The following SLC12A3 variants were observed in gnomAD, a reference collection of about 807,000 sequenced individuals.
SLC12A3 encodes solute carrier family 12 member 3.
SLC12A3 carries 104 observed loss-of-function variants against 121.0 expected under a neutral mutation model. The observed-to-expected ratio is 0.86, with a 90% CI of 0.73 to 1.01. The LOEUF (loss-of-function observed/expected upper bound fraction) is 1.01. Ranked by LOEUF, SLC12A3 falls within the 50% of genes least tolerant of loss-of-function variation. The pLI is 0.00. For missense variants in SLC12A3, 1,328 were observed against 1,356.3 expected (o/e 0.98, Z 0.33); for synonymous variants, 536 against 533.4 (o/e 1.00, Z -0.07).
intron 19 of SLC12A3, among the ~76,000 whole-genome samples, chr16:56,891,860 G>C (rs924190192): frequency 6.6e-6 from 1 of 152,196 alleles, no homozygotes; most frequent in Non-Finnish European, 1.5e-5. Context: ...GGGGATGAAC[G>C]TGGCCTGTTT....
rs1258347970 is a variant in SLC12A3 at position 56,879,710 on chromosome 16, T to C, written c.1443+61T>C. ...TGGGGAGCCTGGGCTAGAGGCACAA[T>C]AGGGCGGGTCCCTGGGTGACTGCTA... is the stretch of plus-strand genomic sequence containing the variant. On this transcript the variant is annotated intron_variant, in intron 11 of 25. Coordinates refer to ENST00000563236, the MANE Select transcript of SLC12A3 (RefSeq NM_001126108.2). 17 of 1,253,120 alleles carry C rather than the reference T, an allele frequency of 1.4e-5. No homozygotes were observed. In the East Asian group the frequency reaches 3.2e-4, roughly 24 times the overall value. The allele number at this position is 1,253,120 out of a possible 1,614,324, so 77.6% of individuals were successfully genotyped here. A position where few individuals can be genotyped will look rare whatever the true frequency, so the allele number is the denominator to read the frequency against.
chr16:56,891,788 G>C (rs572101031), intron 19 of SLC12A3, among the ~76,000 whole-genome samples: 1 of 152,262 alleles, frequency 6.6e-6, no homozygotes, highest in South Asian at 2.1e-4. Context: ...TTTTGCTGAG[G>C]AGGCCAGGGC....
At chr16:56,898,721 C>G (rs1339410517) in intron 22 of SLC12A3, among the ~76,000 whole-genome samples, 1 of 152,210 alleles carries the variant, frequency 6.6e-6, no homozygotes. Context: ...GCTTCTCCTT[C>G]CCTGTTAGAT....
intron 6 of SLC12A3, 146 bp from the exon 7 acceptor site, chr16:56,872,205 G>A: frequency 1.5e-6 from 1 of 681,604 alleles, no homozygotes; most frequent in Admixed American, 2.1e-5. Flanking sequence ...CCAACTCCTT[G>A]AACAGATCCT....
At chr16:56,892,026 C>T (rs2055394707) in intron 19 of SLC12A3, 57 bp from the exon 20 acceptor site, 7 of 1,335,128 alleles carry the variant, frequency 5.2e-6, no homozygotes, top group Non-Finnish European at 7.6e-6. Flanking sequence ...CAAGGAGGAA[C>T]CCACGGTGCC....
chr16:56,876,332 A>G (rs907033828), intron 8 of SLC12A3, among the ~76,000 whole-genome samples: 1 of 152,098 alleles, frequency 6.6e-6, no homozygotes, highest in African/African-American at 2.4e-5. Context: ...GTGGATGTGA[A>G]TTTTGGGGGA....
intron 8 of SLC12A3, among the ~76,000 whole-genome samples, chr16:56,877,116 G>T (rs1188367145): frequency 6.6e-6 from 1 of 152,240 alleles, no homozygotes. Flanking sequence ...GAGCGGCCGG[G>T]CGCGGGGGCT....
In SLC12A3 at chr16:56,890,331, C is replaced by T. The variant is rs778945633; in HGVS notation, c.2343C>T (p.Asn781=). ...TCATGAGGATGCGGGAGGGACTCAA[C>T]GTGTCCAAGATGATGCAGGCGCACA... is the stretch of plus-strand genomic sequence containing the variant. The part of the protein sequence containing the change: ...VCVMRMREGL[N]VSKMMQAHIN... Residue 781 remains asparagine (N), a synonymous_variant, in exon 19 of 26, where the codon AAC becomes AAT. Transcript: ENST00000563236. 1.1e-5 allele frequency: 18 copies of T among 1,613,934 alleles called. No homozygotes were observed. The East Asian group carries it at 1.3e-4, about 12-fold the overall frequency.
intron 14 of SLC12A3, among the ~76,000 whole-genome samples, chr16:56,884,892 G>A (rs540013326): frequency 2.0e-4 from 31 of 152,156 alleles, no homozygotes; most frequent in South Asian, 1.9e-3. Flanking sequence ...TCAGCCTCCC[G>A]AGTAGCTGGG....
chr16:56,889,408 T>C (rs2055360312), intron 18 of SLC12A3, among the ~76,000 whole-genome samples: 1 of 152,210 alleles, frequency 6.6e-6, no homozygotes, highest in Admixed American at 6.5e-5. Context: ...GGGCGGGCTC[T>C]TGGGCACTGT....
At position 56,884,165 on chromosome 16, in the gene SLC12A3, G is replaced by T. The variant is rs746624442; in HGVS notation, c.1786G>T (p.Val596Leu). The T allele has an allele frequency of 2.5e-6, 4 of 1,614,208 alleles. No homozygotes were observed. The highest frequency in any genetic ancestry group is 3.4e-6 in the Non-Finnish European group (4 of 1,180,020). Reference protein sequence around the residue: ...WWAALIAIGVVLFLLLYVIYK... With the variant: ...WWAALIAIGVLLFLLLYVIYK... ...GGCGGCCCTCATCGCCATTGGCGTGGTGCTCTTCCTCCTGCTCTATGTCAT... is the reference window on the plus strand; with the variant it reads ...GGCGGCCCTCATCGCCATTGGCGTGTTGCTCTTCCTCCTGCTCTATGTCAT... The change falls in exon 14 of 26, where the codon GTG (valine) becomes TTG (leucine). Residue 596 changes from valine (V) to leucine (L), a missense_variant. By Grantham distance (32) the Val-to-Leu change is conservative. Transcript: ENST00000563236.
intron 1 of SLC12A3, among the ~76,000 whole-genome samples, chr16:56,866,011 A>G (rs1964346277): frequency 1.4e-5 from 2 of 146,642 alleles, no homozygotes; most frequent in African/African-American, 5.1e-5. Flanking sequence ...TTTGAGACGG[A>G]GTCTGGCTCT....
intron 18 of SLC12A3, 25 bp downstream of exon 18, chr16:56,888,056 T>G: frequency 6.4e-7 from 1 of 1,558,498 alleles, no homozygotes; most frequent in South Asian, 1.1e-5. Context: ...AGGAAGGGGC[T>G]TGGGGTCTGT....
chr16:56,887,798 A>ATATATATATTTTTTT (rs1433682477), intron 17 of SLC12A3, 127 bp from the exon 18 acceptor site: 20 of 68,450 alleles, frequency 2.9e-4, no homozygotes, highest in Non-Finnish European at 2.6e-4. Context: ...ATATATATAT[A>ATATATATATTTTTTT]TTTTTTTTTT....
Position 56,885,363 on chromosome 16 carries a change from C to T in SLC12A3, c.1924C>T (p.Arg642Cys), listed in dbSNP as rs200697179. Residue 642 changes from arginine (R) to cysteine (C), a missense_variant and splice_region_variant, in exon 15 of 26, where the codon CGC becomes TGC. Physicochemically the swap from Arg to Cys is radical, Grantham distance 180. Coordinates refer to ENST00000563236, the MANE Select transcript of SLC12A3 (RefSeq NM_001126108.2). Reference sequence around the variant, plus strand: ...GGTGGAAGACCACATCAAGAACTACCGGTGAGCAGAGCTGCTGGGACCCAC... The same window carrying T: ...GGTGGAAGACCACATCAAGAACTACTGGTGAGCAGAGCTGCTGGGACCCAC... ...NEVEDHIKNY[R>C]PQCLVLTGPP... 5.6e-5 allele frequency: 86 copies of T among 1,546,188 alleles called. No homozygotes were observed. The East Asian group carries it at 7.1e-4, about 13-fold the overall frequency.
chr16:56,885,393 GA>G, intron 15 of SLC12A3, 29 bp downstream of exon 15: 4 of 1,415,366 alleles, frequency 2.8e-6, no homozygotes, highest in Non-Finnish European at 3.9e-6. Flanking sequence ...ACCCACCTGG[GA>G]CCCCAGGGCC....
intron 6 of SLC12A3, among the ~76,000 whole-genome samples, chr16:56,871,754 G>T (rs954872938): frequency 1.3e-5 from 2 of 151,838 alleles, no homozygotes; most frequent in Admixed American, 6.6e-5. Flanking sequence ...ATGGAGTCTC[G>T]TTCTGTCACC....
intron 8 of SLC12A3, among the ~76,000 whole-genome samples, chr16:56,874,520 G>A (rs1190571822): frequency 6.6e-6 from 1 of 152,236 alleles, no homozygotes; most frequent in African/African-American, 2.4e-5. Flanking sequence ...TGTGCATTGA[G>A]CCAGGCACAG....
At chr16:56,913,177 C>T (rs2055708567) in intron 25 of SLC12A3, 87 bp from the exon 26 acceptor site, 1 of 1,571,292 alleles carries the variant, frequency 6.4e-7, no homozygotes, top group East Asian at 2.2e-5. Context: ...GGTAAACAGA[C>T]TCGCTGTTCT....
Sources: allele counts gnomAD v4.1 joint callset (sites outside exome capture counted in the v4.1 genomes callset), GRCh38; gene constraint gnomAD v4.1.1; transcripts MANE v1.5; gene names NCBI Gene and HGNC (gene_info 2026-07-23, HGNC 2026-07-21).